The following MAP3K1 variants were observed in gnomAD, a reference collection of about 807,000 sequenced individuals.
MAP3K1 encodes the protein mitogen-activated protein kinase kinase kinase 1.
A neutral mutation model predicts 144.2 loss-of-function variants in MAP3K1; 36 were observed. The observed-to-expected ratio is 0.25, with a 90% CI of 0.19 to 0.33. MAP3K1 has a LOEUF of 0.33. Among genes scored for constraint, MAP3K1 ranks in the 10% least tolerant of loss-of-function variants. The pLI is 1.00. For synonymous variants in MAP3K1, 718 were observed against 688.7 expected (o/e 1.04, Z -0.67); for missense variants, 1,650 against 1,881.9 (o/e 0.88, Z 2.28).
rs1377637709 is a variant in MAP3K1, at chr5:56,815,583, G to C, written c.10G>C (p.Ala4Pro). Reference protein sequence around the residue: MAAAAGNRASSSGF... With the variant: MAAPAGNRASSSGF... ...TAGCCCGCGAGAGAAAATGGCGGCG[G>C]CGGCGGGGAATCGCGCCTCGTCGTC... is the stretch of plus-strand genomic sequence containing the variant. Residue 4 changes from alanine to proline, a missense_variant, in exon 1 of 20, where the codon GCG (alanine) becomes CCG (proline). This residue lies in a region of MAP3K1 where 360 missense variants were observed against 274.7 expected (regional missense o/e 1.31). Transcript: ENST00000399503. 4 of 1,299,326 alleles carry C rather than the reference G, an allele frequency of 3.1e-6. No individual in the cohort carries two copies. The highest frequency in any genetic ancestry group is 3.9e-6 in the Non-Finnish European group (4 of 1,026,888). 80.5% of individuals were successfully genotyped at this position (1,299,326 alleles called of 1,614,324 possible). A position where few individuals can be genotyped will look rare whatever the true frequency, so the allele number is the denominator to read the frequency against.
intron 1 of MAP3K1, among the ~76,000 whole-genome samples, chr5:56,846,577 T>C (rs780367861): frequency 3.3e-5 from 5 of 152,258 alleles, no homozygotes; most frequent in Non-Finnish European, 5.9e-5. Context: ...TTATCTCTTT[T>C]AGATTTATTT....
At chr5:56,856,854 T>G in intron 2 of MAP3K1, 104 bp downstream of exon 2, 1 of 1,242,404 alleles carries the variant, frequency 8.0e-7, no homozygotes, top group Non-Finnish European at 1.2e-6. Flanking sequence ...TCATTTTAAA[T>G]GTAGTAGTTT....
chr5:56,830,528 A>G (rs112340839), intron 1 of MAP3K1, among the ~76,000 whole-genome samples: 7 of 152,308 alleles, frequency 4.6e-5, no homozygotes, highest in African/African-American at 1.7e-4. Context: ...TAAGCCTCTT[A>G]CACTGGGTTC....
intron 11 of MAP3K1, among the ~76,000 whole-genome samples, chr5:56,879,547 T>C (rs1318389821): frequency 6.9e-6 from 1 of 144,758 alleles, no homozygotes; most frequent in African/African-American, 2.6e-5. Context: ...AATTTTACTC[T>C]ACTTATGACA....
At chr5:56,863,625 G>A (rs888843078) in intron 3 of MAP3K1, among the ~76,000 whole-genome samples, 1 of 152,154 alleles carries the variant, frequency 6.6e-6, no homozygotes, top group Non-Finnish European at 1.5e-5. Context: ...TTTTCAGGTG[G>A]ACATATATTC....
chr5:56,848,163 C>G (rs1053740843), intron 1 of MAP3K1, among the ~76,000 whole-genome samples: 1 of 151,682 alleles, frequency 6.6e-6, no homozygotes, highest in African/African-American at 2.4e-5. Context: ...ACTAGTAGCT[C>G]TCTGTCTTTT....
At chr5:56,886,190 G>A in intron 17 of MAP3K1, 127 bp downstream of exon 17, 1 of 730,700 alleles carries the variant, frequency 1.4e-6, no homozygotes, top group South Asian at 1.5e-5. Flanking sequence ...GATCACTTGA[G>A]GTCAGGAGCT....
chr5:56,858,253 T>C (rs1372410407), intron 2 of MAP3K1, among the ~76,000 whole-genome samples: 2 of 152,234 alleles, frequency 1.3e-5, no homozygotes, highest in Non-Finnish European at 2.9e-5. Context: ...CCTAAATCTT[T>C]TGAGAATACC....
At chr5:56,893,237 C>G (rs972767456) in intron 19 of MAP3K1, among the ~76,000 whole-genome samples, 1 of 152,112 alleles carries the variant, frequency 6.6e-6, no homozygotes, top group African/African-American at 2.4e-5. Context: ...TGAGTGAATA[C>G]TTTATCTACC....
chr5:56,862,755 C>G lies in MAP3K1; in HGVS notation c.835-1979C>G, dbSNP rs576288467. ...AGCAGGTCAAAATGACGTGTGCATG[C>G]ATAATTGGCTTTTTTTGTTTGTTTT... On this transcript the variant is annotated intron_variant, in intron 3 of 19. Coordinates refer to ENST00000399503, the MANE Select transcript of MAP3K1 (RefSeq NM_005921.2). Among the ~76,000 whole-genome samples, 3 of 148,084 alleles carry G rather than the reference C, an allele frequency of 2.0e-5. No individual in the cohort carries two copies. In the East Asian group the frequency reaches 5.9e-4, roughly 29 times the overall value.
chr5:56,878,574 G>C (rs1430238933), intron 10 of MAP3K1, among the ~76,000 whole-genome samples: 1 of 152,036 alleles, frequency 6.6e-6, no homozygotes, highest in East Asian at 1.9e-4. Flanking sequence ...AATTTGTATT[G>C]GTGTAGGCTC....
At chr5:56,839,342 G>A (rs943931547) in intron 1 of MAP3K1, among the ~76,000 whole-genome samples, 3 of 152,112 alleles carry the variant, frequency 2.0e-5, no homozygotes, top group African/African-American at 7.2e-5. Flanking sequence ...TCCACTTGTC[G>A]ATTGGATTAT....
chr5:56,862,840 T>C (rs1747557418), intron 3 of MAP3K1, among the ~76,000 whole-genome samples: 1 of 152,242 alleles, frequency 6.6e-6, no homozygotes, highest in South Asian at 2.1e-4. Context: ...ATTCATCTAC[T>C]GTACAATTCA....
At chr5:56,823,025 C>T (rs772384966) in intron 1 of MAP3K1, among the ~76,000 whole-genome samples, 10 of 152,200 alleles carry the variant, frequency 6.6e-5, no homozygotes, top group Non-Finnish European at 8.8e-5. Context: ...TTCTCCTTTG[C>T]TGTCCGTTCC....
rs1160793533 is a variant in MAP3K1, at chr5:56,894,206, C to G, written c.*526C>G. The G allele has an allele frequency of 4.2e-6, 1 of 239,122 alleles. No homozygotes were observed. The highest frequency in any genetic ancestry group is 8.3e-6 in the Non-Finnish European group (1 of 121,194). The allele number at this position is 239,122 out of a possible 1,614,324, so 14.8% of individuals were successfully genotyped here. ...TAAAAGTTGATACTTCTTTATGACCCACAGTTGACCTTTATTTTCTTAAAT... is the reference window on the plus strand; with the variant it reads ...TAAAAGTTGATACTTCTTTATGACCGACAGTTGACCTTTATTTTCTTAAAT... On this transcript the variant is annotated 3_prime_UTR_variant, in exon 20 of 20. Coordinates refer to ENST00000399503, the MANE Select transcript of MAP3K1 (RefSeq NM_005921.2).
intron 1 of MAP3K1, among the ~76,000 whole-genome samples, chr5:56,844,759 T>C (rs186505093): frequency 1.2e-4 from 18 of 152,340 alleles, no homozygotes; most frequent in Admixed American, 7.2e-4. Context: ...TATTTATCTT[T>C]CGTTTTTTAA....
At position 56,828,432 on chromosome 5, in the gene MAP3K1, C is replaced by A. The variant is rs1254295998; in HGVS notation, c.482+12377C>A. 2.0e-5 allele frequency among the ~76,000 whole-genome samples: 3 copies of A among 152,268 alleles called. No homozygotes were observed. The East Asian group carries it at 5.8e-4, about 29-fold the overall frequency. ...AATTACTTCTTGTGGCTAAATTTAG[C>A]TGTAATTATTGAAACAACAATTAGT... On this transcript the variant is annotated intron_variant, in intron 1 of 19. Coordinates refer to ENST00000399503, the MANE Select transcript of MAP3K1 (RefSeq NM_005921.2).
intron 1 of MAP3K1, among the ~76,000 whole-genome samples, chr5:56,832,537 G>T (rs1045384488): frequency 6.6e-6 from 1 of 152,248 alleles, no homozygotes; most frequent in Admixed American, 6.5e-5. Context: ...ATCAGAGACT[G>T]TGAGAGGTGA....
Position 56,859,837 on chromosome 5 carries a change from T to C in MAP3K1, c.756T>C (p.Ser252=), listed in dbSNP as rs1362239803. ...CTTCCAAAGGCCGACGCAGTCCTTC[T>C]CCTGGCAACTCCCCATCAGGTCGCA... ...SPASKGRRSP[S]PGNSPSGRTV... Residue 252 remains serine (S), a synonymous_variant, in exon 3 of 20, where the codon TCT becomes TCC. Coordinates refer to ENST00000399503, the MANE Select transcript of MAP3K1 (RefSeq NM_005921.2). 1.9e-6 allele frequency: 3 copies of C among 1,613,804 alleles called. No homozygotes were observed. The highest frequency in any genetic ancestry group is 3.3e-5 in the Admixed American group (2 of 59,988).
Sources: gnomAD v4.1 joint callset for allele counts (sites outside exome capture counted in the v4.1 genomes callset) on GRCh38, gnomAD v4.1.1 for gene constraint, gnomAD v4.1.1 regional missense constraint, MANE v1.5 for transcripts, NCBI Gene and HGNC (gene_info 2026-07-23, HGNC 2026-07-21) for gene names.